The following TERF1 variants were observed in gnomAD, a reference collection of about 807,000 sequenced individuals.
TERF1 encodes the protein telomeric repeat binding factor 1, also known as telomeric repeat-binding factor 1.
Under a neutral mutation model 55.1 loss-of-function variants are expected in TERF1, and 20 were observed. That is an observed-to-expected ratio of 0.36 (90% confidence interval 0.26 to 0.53). The LOEUF (loss-of-function observed/expected upper bound fraction) is 0.53. Among genes scored for constraint, TERF1 ranks in the 20% least tolerant of loss-of-function variants. The pLI, the probability that TERF1 is intolerant of heterozygous loss-of-function variation, is 0.91. For synonymous variants in TERF1, 168 were observed against 181.2 expected, an observed-to-expected ratio of 0.93 and a Z score of 0.59; for missense variants, 439 against 535.7, an observed-to-expected ratio of 0.82 and a Z score of 1.78.
chr8:73,036,418 C>T (rs997954048), intron 8 of TERF1, among the ~76,000 whole-genome samples: 2 of 152,096 alleles, frequency 1.3e-5, no homozygotes, highest in Non-Finnish European at 2.9e-5. Flanking sequence ...TTAAACTATA[C>T]GAAGAACCCT....
chr8:73,037,570 TA>T (rs1301325120), intron 8 of TERF1, among the ~76,000 whole-genome samples: 2 of 111,236 alleles, frequency 1.8e-5, no homozygotes, highest in South Asian at 2.4e-4. Context: ...AAAATATATA[TA>T]TTTTTTATAT....
intron 1 of TERF1, chr8:73,013,600 C>A: frequency 4.2e-6 from 1 of 237,274 alleles, no homozygotes; most frequent in Non-Finnish European, 8.2e-6. Flanking sequence ...AGTTTCCAAC[C>A]AATGATTTTA....
intron 9 of TERF1, among the ~76,000 whole-genome samples, chr8:73,040,208 C>T (rs964486704): frequency 2.6e-5 from 4 of 152,018 alleles, no homozygotes; most frequent in African/African-American, 4.8e-5. Context: ...CCTTTTTTAG[C>T]CTTGCCATCT....
chr8:73,022,577 G>A (rs947231242), intron 4 of TERF1, among the ~76,000 whole-genome samples: 1 of 152,010 alleles, frequency 6.6e-6, no homozygotes, highest in African/African-American at 2.4e-5. Flanking sequence ...GCAACATGGA[G>A]AGATCCTCAT....
chr8:73,009,129 C>G lies in TERF1; in HGVS notation c.243C>G (p.Phe81Leu), dbSNP rs772332822. 6.2e-7 allele frequency: 1 copy of G among 1,611,056 alleles called. No individual in the cohort carries two copies. The highest frequency in any genetic ancestry group is 1.3e-5 in the African/African-American group (1 of 74,900). The stretch of plus-strand genomic sequence containing the variant: ...TGGCTGCCGGCTGGATGCTCGATTT[C>G]CTCTGCCTCTCTCTTTGCCGAGCTT... The part of the protein sequence containing the change: ...EAVAAGWMLD[F>L]LCLSLCRAFR... Residue 81 changes from phenylalanine to leucine, a missense_variant, in exon 1 of 10, where the codon TTC becomes TTG. Coordinates refer to ENST00000276603, the MANE Select transcript of TERF1 (RefSeq NM_017489.3).
At chr8:73,012,844 G>T in intron 1 of TERF1, 1 of 442,940 alleles carries the variant, frequency 2.3e-6, no homozygotes, top group Non-Finnish European at 4.5e-6. Flanking sequence ...TTGTTTAATT[G>T]TGTCTTCTCA....
rs1344131093 is a variant in TERF1 at position 73,037,716 on chromosome 8, TAA to T, written c.1040-1399_1040-1398del. ...ATATAGTATAATATTATATTATATA[TAA>T]TATATATTATATAGTATGAAATATA... On this transcript the variant is annotated intron_variant, in intron 8 of 9. Coordinates refer to ENST00000276603, the MANE Select transcript of TERF1 (RefSeq NM_017489.3). 7.5e-3 allele frequency among the ~76,000 whole-genome samples: 664 copies of T among 88,370 alleles called. 38 individuals carry two copies. The highest frequency in any genetic ancestry group is 0.032 in the African/African-American group (644 of 20,280). 58.0% of individuals were successfully genotyped at this position (88,370 alleles called of 152,430 possible).
chr8:73,018,624 C>T (rs1194255809), intron 2 of TERF1, among the ~76,000 whole-genome samples: 3 of 152,106 alleles, frequency 2.0e-5, no homozygotes, highest in Admixed American at 6.6e-5. Flanking sequence ...TGCAGTAAGC[C>T]GAGATCGCGT....
At position 73,046,114 on chromosome 8, in the gene TERF1, A is replaced by G; in HGVS notation, c.1297A>G (p.Ile433Val). 6.3e-7 allele frequency: 1 copy of G among 1,599,112 alleles called. No individual in the cohort carries two copies. The highest frequency in any genetic ancestry group is 1.8e-5 in the Admixed American group (1 of 56,444). The change falls in exon 10 of 10, where the codon ATT (isoleucine) becomes GTT (valine). Residue 433 changes from isoleucine (I) to valine (V), a missense_variant. Around this residue, in one of 4 missense-constraint regions of TERF1, gnomAD observed 25 missense variants for 57.3 expected, o/e 0.44. Coordinates refer to ENST00000276603, the MANE Select transcript of TERF1 (RefSeq NM_017489.3). ...RWRTMKKLKL[I>V]SSDSED ...GAGGACCATGAAGAAACTAAAACTG[A>G]TTTCCTCAGACAGCGAAGACTGATT...
At chr8:73,039,354 C>T (rs1349484134) in intron 9 of TERF1, 135 bp downstream of exon 9, 12 of 588,704 alleles carry the variant, frequency 2.0e-5, no homozygotes, top group South Asian at 5.7e-5. Flanking sequence ...TTTATTTTGC[C>T]GTCTTAGATA....
intron 2 of TERF1, among the ~76,000 whole-genome samples, chr8:73,014,243 TAAAA>T (rs35442223): frequency 6.7e-6 from 1 of 148,838 alleles, no homozygotes; most frequent in South Asian, 2.1e-4. Flanking sequence ...AAGGGCTTAT[TAAAA>T]AAAAAAAAAC....
chr8:73,027,574 A>G (rs975015234), intron 6 of TERF1, among the ~76,000 whole-genome samples: 2 of 152,050 alleles, frequency 1.3e-5, no homozygotes, highest in Non-Finnish European at 2.9e-5. Context: ...TTCTTTAGGG[A>G]TTTTCAGGGG....
At chr8:73,039,913 A>G (rs1809763867) in intron 9 of TERF1, among the ~76,000 whole-genome samples, 1 of 150,916 alleles carries the variant, frequency 6.6e-6, no homozygotes, top group Non-Finnish European at 1.5e-5. Flanking sequence ...GGGCTCCAAA[A>G]GTGCTGGGAC....
chr8:73,013,818 T>C, intron 1 of TERF1, 77 bp from the exon 2 acceptor site: 1 of 801,492 alleles, frequency 1.2e-6, no homozygotes, highest in Non-Finnish European at 2.1e-6. Context: ...GTTTGTAGCC[T>C]ATTACTCAAC....
intron 2 of TERF1, among the ~76,000 whole-genome samples, chr8:73,019,270 TA>T (rs1263136953): frequency 6.6e-6 from 1 of 152,166 alleles, no homozygotes; most frequent in African/African-American, 2.4e-5. Context: ...ATTTTGAAAA[TA>T]AACTATAGTT....
Position 73,038,825 on chromosome 8 carries a change from A to C in TERF1, c.1040-291A>C, listed in dbSNP as rs570589556. 1.9e-3 allele frequency: 1,519 copies of C among 807,046 alleles called. 3 individuals are homozygous for C. Among genetic ancestry groups the C allele is most frequent in the Non-Finnish European group, 2.2e-3 (1,412 of 656,096 alleles). 50.0% of individuals were successfully genotyped at this position (807,046 alleles called of 1,614,324 possible). On this transcript the variant is annotated intron_variant, in intron 8 of 9. Transcript: ENST00000276603. ...GAAAATTTCAACGATCCTATGCAAT[A>C]AATATTTTTCCTTTTTTTTTAAACA...
rs1388884808 is a variant in TERF1 at position 73,039,102 on chromosome 8, T to C, written c.1040-14T>C. ...TGTAAATCAATATTTATGACATTAT[T>C]TTTCTACTTTTAGGTACAAAAAAGA... On this transcript the variant is annotated splice_polypyrimidine_tract_variant and intron_variant, in intron 8 of 9. Coordinates refer to ENST00000276603, the MANE Select transcript of TERF1 (RefSeq NM_017489.3). The C allele has an allele frequency of 6.7e-7, 1 of 1,489,850 alleles. No individual in the cohort carries two copies. Among genetic ancestry groups the C allele is most frequent in the Non-Finnish European group, 9.1e-7 (1 of 1,100,100 alleles). The allele number at this position is 1,489,850 out of a possible 1,614,324, so 92.3% of individuals were successfully genotyped here. A position where few individuals can be genotyped will look rare whatever the true frequency, so the allele number is the denominator to read the frequency against.
chr8:73,038,010 G>T (rs1255283698), intron 8 of TERF1, among the ~76,000 whole-genome samples: 2 of 144,624 alleles, frequency 1.4e-5, no homozygotes, highest in Non-Finnish European at 3.0e-5. Flanking sequence ...CACAGATGTG[G>T]AACCTGCGAA....
rs1810029491 is a variant in TERF1 at position 73,046,285 on chromosome 8, T to C, written c.*148T>C. 2 of 573,164 alleles carry C rather than the reference T, an allele frequency of 3.5e-6. No homozygotes were observed. Among genetic ancestry groups the C allele is most frequent in the South Asian group, 7.9e-5 (2 of 25,170 alleles). 35.5% of individuals were successfully genotyped at this position (573,164 alleles called of 1,614,324 possible). A position where few individuals can be genotyped will look rare whatever the true frequency, so the allele number is the denominator to read the frequency against. ...ACCATCAATTAATGAGGGTTTGTGCTACCAGAGTTAAAGCATATGCTATCA... is the reference window on the plus strand; with the variant it reads ...ACCATCAATTAATGAGGGTTTGTGCCACCAGAGTTAAAGCATATGCTATCA... On this transcript the variant is annotated 3_prime_UTR_variant, in exon 10 of 10. Transcript: ENST00000276603.
Sources: allele counts gnomAD v4.1 joint callset (sites outside exome capture counted in the v4.1 genomes callset), GRCh38; gene constraint gnomAD v4.1.1; regional missense constraint gnomAD v4.1.1; transcripts MANE v1.5; gene names NCBI Gene and HGNC (gene_info 2026-07-23, HGNC 2026-07-21).